Variants in DLEC1 observed in about 807,000 individuals in gnomAD.
DLEC1 encodes the protein deleted in lung and esophageal cancer protein 1.
Under a neutral mutation model 198.1 loss-of-function variants are expected in DLEC1, and 146 were observed. The ratio of observed to expected loss-of-function variants is 0.74; its 90% CI spans 0.64 to 0.85. DLEC1 has a LOEUF of 0.85. DLEC1 is among the 40% of genes least tolerant of loss of function. The pLI, the probability that DLEC1 is intolerant of heterozygous loss-of-function variation, is 0.00. For missense variants in DLEC1, 2,233 were observed against 2,220.0 expected (o/e 1.01, Z -0.12); for synonymous variants, 897 against 866.8 (o/e 1.03, Z -0.61).
chr3:38,081,830 G>A (rs1559426254), intron 6 of DLEC1, among the ~76,000 whole-genome samples: 1 of 141,230 alleles, frequency 7.1e-6, no homozygotes, highest in Admixed American at 6.8e-5. Flanking sequence ...GGCACGGCTG[G>A]CCAGGCGGGG....
chr3:38,116,386 G>A, intron 27 of DLEC1, 67 bp from the exon 28 acceptor site: 1 of 1,550,856 alleles, frequency 6.4e-7, no homozygotes, highest in South Asian at 1.1e-5. Context: ...GGTATGAGGA[G>A]GAGGGGGCCC....
In DLEC1 at chr3:38,084,473, G is replaced by GGTGGTAGTA. The variant is rs1698288398; in HGVS notation, c.1261+233_1261+234insAGTAGTGGT. 5.7e-5 allele frequency among the ~76,000 whole-genome samples: 5 copies of GGTGGTAGTA among 88,426 alleles called. 1 individual carries two copies. Among genetic ancestry groups the GGTGGTAGTA allele is most frequent in the African/African-American group, 2.3e-4 (5 of 21,282 alleles). The allele number at this position is 88,426 out of a possible 152,430, so 58.0% of individuals were successfully genotyped here. A position where few individuals can be genotyped will look rare whatever the true frequency, so the allele number is the denominator to read the frequency against. On this transcript the variant is annotated intron_variant, in intron 7 of 36. Coordinates refer to ENST00000308059, the MANE Select transcript of DLEC1 (RefSeq NM_007335.4). ...TGGTGGTAGTAGTAATAGTAGTGGTGGTGGTGGTAGTAGTGGTGGTAGTAG... is the reference window on the plus strand; with the variant it reads ...TGGTGGTAGTAGTAATAGTAGTGGTGGTGGTAGTAGTGGTGGTAGTAGTGGTGGTAGTAG...
At position 38,039,289 on chromosome 3, in the gene DLEC1, A is replaced by G. The variant is rs1405417090; in HGVS notation, c.64A>G (p.Thr22Ala). 5 of 1,614,130 alleles carry G rather than the reference A, an allele frequency of 3.1e-6. No individual in the cohort carries two copies. The highest frequency in any genetic ancestry group is 2.2e-5 in the South Asian group (2 of 91,080). Reference sequence around the variant, plus strand: ...GTCCCGGACCAACGAGTGCCAGGGGACAATGTGGGCGCCAACTTCGCCACC... The same window carrying G: ...GTCCCGGACCAACGAGTGCCAGGGGGCAATGTGGGCGCCAACTTCGCCACC... ...LASRTNECQG[T>A]MWAPTSPPAG... is the part of the protein sequence containing the mutation. The change falls in exon 1 of 37, where the codon ACA becomes GCA. Residue 22 changes from threonine to alanine, a missense_variant. Transcript: ENST00000308059.
chr3:38,090,125 G>A (rs985622187), intron 10 of DLEC1, among the ~76,000 whole-genome samples: 1 of 152,214 alleles, frequency 6.6e-6, no homozygotes, highest in Non-Finnish European at 1.5e-5. Context: ...GAGGCCAGGA[G>A]TTTGAGTTTA....
At chr3:38,041,873 C>T (rs1182720653) in intron 1 of DLEC1, among the ~76,000 whole-genome samples, 1 of 147,808 alleles carries the variant, frequency 6.8e-6, no homozygotes, top group African/African-American at 2.5e-5. Context: ...AAAAGAAATA[C>T]AACTATGCAA....
intron 6 of DLEC1, among the ~76,000 whole-genome samples, chr3:38,073,976 T>C (rs1181761969): frequency 6.6e-6 from 1 of 152,202 alleles, no homozygotes; most frequent in Non-Finnish European, 1.5e-5. Flanking sequence ...AGCCTTGGGC[T>C]AGAGCTTTAG....
rs1213003631 is a variant in DLEC1 at position 38,115,036 on chromosome 3, A to G, written c.3839A>G (p.Asn1280Ser). 3.1e-6 allele frequency: 5 copies of G among 1,613,852 alleles called. No individual in the cohort carries two copies. In the African/African-American group the frequency reaches 4.0e-5, roughly 13 times the overall value. The part of the protein sequence containing the change: ...GDTVTRTLRL[N>S]NSSPCDIRLD... ...ACAGTTACCCGAACCCTTCGCCTGA[A>G]TAACTCCAGCCCCTGTGGTAAGACA... is the stretch of plus-strand genomic sequence containing the variant. The change falls in exon 27 of 37, where the codon AAT (asparagine) becomes AGT (serine). Residue 1280 changes from asparagine to serine, a missense_variant. Transcript: ENST00000308059.
Position 38,085,423 on chromosome 3 carries a change from C to T in DLEC1, c.1411C>T (p.Arg471Trp), listed in dbSNP as rs768520831. ...AHTLLIPLQA[R>W]RPPPVLTLSP... The stretch of plus-strand genomic sequence containing the variant: ...CACACTTCTGATCCCCCTGCAGGCC[C>T]GGAGGCCGCCCCCCGTGCTGACATG... Residue 471 changes from arginine (R) to tryptophan (W), a missense_variant, in exon 8 of 37, where the codon CGG (arginine) becomes TGG (tryptophan). Physicochemically the swap from Arg to Trp is moderately radical, Grantham distance 101. Transcript: ENST00000308059. 74 of 1,613,790 alleles carry T rather than the reference C, an allele frequency of 4.6e-5. No individual in the cohort carries two copies. Among genetic ancestry groups the T allele is most frequent in the Non-Finnish European group, 5.9e-5 (70 of 1,179,962 alleles).
intron 19 of DLEC1, chr3:38,103,750 T>G (rs1271516319): frequency 6.6e-6 from 1 of 152,246 alleles, no homozygotes; most frequent in East Asian, 1.9e-4. Context: ...GGGTTATCAG[T>G]TGGTCTAATT....
intron 10 of DLEC1, among the ~76,000 whole-genome samples, chr3:38,090,018 C>T (rs889652468): frequency 2.6e-5 from 4 of 151,652 alleles, no homozygotes; most frequent in African/African-American, 9.7e-5. Context: ...TCTGTATAGA[C>T]AATTTTTAAA....
intron 26 of DLEC1, 148 bp downstream of exon 26, chr3:38,114,608 C>A: frequency 1.3e-6 from 1 of 788,184 alleles, no homozygotes; most frequent in East Asian, 2.6e-5. Context: ...GCCAGGGTTT[C>A]CCTGGGGGAA....
At chr3:38,090,050 G>A (rs1698662435) in intron 10 of DLEC1, among the ~76,000 whole-genome samples, 1 of 151,938 alleles carries the variant, frequency 6.6e-6, no homozygotes, top group Non-Finnish European at 1.5e-5. Context: ...ATTCAAAAGA[G>A]CCAGGTGTAG....
At position 38,081,645 on chromosome 3, in the gene DLEC1, G is replaced by C. The variant is rs1200241798; in HGVS notation, c.1174-2513G>C. Reference sequence around the variant, plus strand: ...ACCCCCCCACCTCCCTCCCGGACGGGGCGGCTGGCCGGGTGGGGGGGCTGA... The same window carrying C: ...ACCCCCCCACCTCCCTCCCGGACGGCGCGGCTGGCCGGGTGGGGGGGCTGA... On this transcript the variant is annotated intron_variant, in intron 6 of 36. Coordinates refer to ENST00000308059, the MANE Select transcript of DLEC1 (RefSeq NM_007335.4). 1.0e-4 allele frequency among the ~76,000 whole-genome samples: 10 copies of C among 95,324 alleles called. No homozygotes were observed. The South Asian group carries it at 1.9e-3, about 18-fold the overall frequency. The allele number at this position is 95,324 out of a possible 152,430, so 62.5% of individuals were successfully genotyped here.
intron 19 of DLEC1, among the ~76,000 whole-genome samples, chr3:38,106,100 T>C (rs1357362768): frequency 5.3e-5 from 8 of 152,244 alleles, no homozygotes; most frequent in Admixed American, 3.3e-4. Context: ...ATTATTGTCA[T>C]ACAAATTACA....
chr3:38,067,146 G>A (rs1697070184), intron 6 of DLEC1, among the ~76,000 whole-genome samples: 2 of 152,168 alleles, frequency 1.3e-5, no homozygotes, highest in Non-Finnish European at 2.9e-5. Flanking sequence ...TCTGATCTTT[G>A]CCTACTTGTC....
intron 18 of DLEC1, among the ~76,000 whole-genome samples, chr3:38,098,526 C>T (rs868596533): frequency 1.3e-5 from 2 of 152,140 alleles, no homozygotes; most frequent in East Asian, 1.9e-4. Flanking sequence ...CGTACATCAC[C>T]GCCCCTTCAC....
At chr3:38,115,097 T>G in intron 27 of DLEC1, 44 bp downstream of exon 27, 1 of 1,605,030 alleles carries the variant, frequency 6.2e-7, no homozygotes. Context: ...CCACAGGCTG[T>G]GCCTTGTGGT....
At chr3:38,109,815 A>G in intron 22 of DLEC1, 1 of 721,160 alleles carries the variant, frequency 1.4e-6, no homozygotes, top group Non-Finnish European at 2.2e-6. Context: ...ATGGCAGGGG[A>G]CAGGGCTGTA....
chr3:38,095,142 C>T, intron 13 of DLEC1, 71 bp downstream of exon 13: 1 of 1,561,924 alleles, frequency 6.4e-7, no homozygotes, highest in East Asian at 2.3e-5. Context: ...CTGTGTTCCT[C>T]AATCACACTG....
Sources: gnomAD v4.1 joint callset for allele counts (sites outside exome capture counted in the v4.1 genomes callset) on GRCh38, gnomAD v4.1.1 for gene constraint, MANE v1.5 for transcripts, NCBI Gene and HGNC (gene_info 2026-07-23, HGNC 2026-07-21) for gene names.